Variants in KLK13 observed in about 807,000 individuals in gnomAD.
KLK13 encodes the protein kallikrein-13.
Under a neutral mutation model 22.4 loss-of-function variants are expected in KLK13, and 19 were observed. The ratio of observed to expected loss-of-function variants is 0.85; its 90% CI spans 0.59 to 1.24. The LOEUF is 1.24. Among genes scored for constraint, KLK13 ranks in the 50% most tolerant of loss-of-function variants. The probability of loss-of-function intolerance (pLI) is 0.00; values close to 1 mark genes in which losing one functional copy is unlikely to be tolerated. For missense variants in KLK13, 311 were observed against 347.9 expected, an observed-to-expected ratio of 0.89 and a Z score of 0.84; for synonymous variants, 156 against 141.8, an observed-to-expected ratio of 1.10 and a Z score of -0.71.
chr19:51,057,853 C>A (rs2091689925), intron 4 of KLK13, among the ~76,000 whole-genome samples: 1 of 152,144 alleles, frequency 6.6e-6, no homozygotes, highest in Admixed American at 6.6e-5. Context: ...CCAATCCATG[C>A]AGTTTGTCCC....
upstream of KLK13, chr19:51,065,198 C>T (rs1226422002): frequency 3.2e-6 from 2 of 617,324 alleles, no homozygotes; most frequent in East Asian, 3.2e-5. Flanking sequence ...GCCTCATTCA[C>T]TCTTGACAGC....
In KLK13 at chr19:51,060,000, T is replaced by A; in HGVS notation, c.333A>T (p.Glu111Asp). 6.2e-7 allele frequency: 1 copy of A among 1,613,738 alleles called. No individual in the cohort carries two copies. Among genetic ancestry groups the A allele is most frequent in the Non-Finnish European group, 8.5e-7 (1 of 1,179,786 alleles). ...REVVHSIPHP[E>D]YRRSPTHLNH... Reference sequence around the variant, plus strand: ...TCAGGTGGGTGGGGCTTCTCCGGTATTCAGGGTGGGGGATAGAGTGGACAA... The same window carrying A: ...TCAGGTGGGTGGGGCTTCTCCGGTAATCAGGGTGGGGGATAGAGTGGACAA... The change falls in exon 3 of 5, where the codon GAA (glutamate) becomes GAT (aspartate). Residue 111 changes from glutamate to aspartate, a missense_variant. Transcript: ENST00000595793.
At chr19:51,064,506 AAAAAG>A in intron 1 of KLK13, 1 of 375,762 alleles carries the variant, frequency 2.7e-6, no homozygotes, top group Non-Finnish European at 5.2e-6. Flanking sequence ...AAAAAAAAAA[AAAAAG>A]GAATACTACT....
At chr19:51,065,676 G>C (rs1599791895), upstream of KLK13, among the ~76,000 whole-genome samples, 1 of 152,076 alleles carries the variant, frequency 6.6e-6, no homozygotes, top group South Asian at 2.1e-4. Context: ...GCCGCCAGCT[G>C]TCTAGAACTT....
chr19:51,062,569 G>C (rs1197934745), intron 1 of KLK13, among the ~76,000 whole-genome samples: 1 of 152,174 alleles, frequency 6.6e-6, no homozygotes. Context: ...AATAAATGCT[G>C]TGTGTGCCAG....
chr19:51,059,594 T>G, intron 3 of KLK13: 1 of 242,390 alleles, frequency 4.1e-6, no homozygotes, highest in Non-Finnish European at 7.5e-6. Flanking sequence ...TATATTCATA[T>G]ATTAGATCTA....
rs1396651902 is a variant in KLK13, at chr19:51,065,076, G to T, written c.-9C>A. ...AGGGCCAGGGGCCACATGGCTCCGGGATCGGGAGGGGAGGGCAGGGCGGGC... is the reference window on the plus strand; with the variant it reads ...AGGGCCAGGGGCCACATGGCTCCGGTATCGGGAGGGGAGGGCAGGGCGGGC... On this transcript the variant is annotated 5_prime_UTR_variant, in exon 1 of 5. Transcript: ENST00000595793. 6 of 856,828 alleles carry T rather than the reference G, an allele frequency of 7.0e-6. No homozygotes were observed. Among genetic ancestry groups the T allele is most frequent in the Non-Finnish European group, 1.0e-5 (6 of 586,202 alleles). 53.1% of individuals were successfully genotyped at this position (856,828 alleles called of 1,614,324 possible).
chr19:51,060,411 T>G, intron 2 of KLK13, 22 bp downstream of exon 2: 1 of 1,549,956 alleles, frequency 6.5e-7, no homozygotes, highest in Non-Finnish European at 8.7e-7. Flanking sequence ...CCCTACCCCA[T>G]GCTCCCCCGG....
intron 1 of KLK13, among the ~76,000 whole-genome samples, chr19:51,061,242 C>T (rs1259856082): frequency 6.6e-6 from 1 of 152,134 alleles, no homozygotes; most frequent in African/African-American, 2.4e-5. Context: ...ATCCAACCAT[C>T]CATCCATCCA....
Position 51,064,629 on chromosome 19 carries a change from G to C in KLK13, c.52+387C>G, listed in dbSNP as rs774473376. The C allele has an allele frequency of 9.2e-6, 5 of 543,244 alleles. No individual in the cohort carries two copies. The Admixed American group carries it at 9.8e-5, about 11-fold the overall frequency. The allele number at this position is 543,244 out of a possible 1,614,324, so 33.7% of individuals were successfully genotyped here. ...TCAATATTCACAGTGACCTTCTCTG[G>C]TAAGCACTTATAGATTAAGCCCATT... On this transcript the variant is annotated intron_variant, in intron 1 of 4. Transcript: ENST00000595793.
intron 1 of KLK13, among the ~76,000 whole-genome samples, chr19:51,061,062 C>G (rs2091725687): frequency 6.6e-6 from 1 of 152,096 alleles, no homozygotes; most frequent in African/African-American, 2.4e-5. Context: ...TCCGTCTACT[C>G]ATCCATCTAT....
chr19:51,065,206 AGCCCTGACCCTGGAAT>A, upstream of KLK13: 2 of 575,590 alleles, frequency 3.5e-6, no homozygotes, highest in Non-Finnish European at 5.9e-6. Context: ...CACTCTTGAC[AGCCCTGACCCTGGAAT>A]CTGCCCCCCG....
Position 51,065,079 on chromosome 19 carries a change from C to A in KLK13, c.-12G>T. On this transcript the variant is annotated 5_prime_UTR_variant, in exon 1 of 5. Coordinates refer to ENST00000595793, the MANE Select transcript of KLK13 (RefSeq NM_015596.3). ...GCCAGGGGCCACATGGCTCCGGGAT[C>A]GGGAGGGGAGGGCAGGGCGGGCGGG... 3.0e-6 allele frequency: 1 copy of A among 336,970 alleles called. No homozygotes were observed. The highest frequency in any genetic ancestry group is 5.8e-6 in the Non-Finnish European group (1 of 173,394). 20.9% of individuals were successfully genotyped at this position (336,970 alleles called of 1,614,324 possible). A position where few individuals can be genotyped will look rare whatever the true frequency, so the allele number is the denominator to read the frequency against.
rs760486824 is a variant in KLK13 at position 51,059,808 on chromosome 19, C to A, written c.508+17G>T. 2 of 1,571,056 alleles carry A rather than the reference C, an allele frequency of 1.3e-6. No individual in the cohort carries two copies. The highest frequency in any genetic ancestry group is 1.8e-5 in the Admixed American group (1 of 54,196). ...GCCACTCCTATGGGGCCTCAGGCCA[C>A]CTGTGTGGGTGCATACCCTGGGGGC... On this transcript the variant is annotated intron_variant, in intron 3 of 4. Coordinates refer to ENST00000595793, the MANE Select transcript of KLK13 (RefSeq NM_015596.3).
At chr19:51,060,405 AC>A in intron 2 of KLK13, 27 bp downstream of exon 2, 1 of 1,545,430 alleles carries the variant, frequency 6.5e-7, no homozygotes, top group Admixed American at 1.9e-5. Context: ...TCTCATCCCT[AC>A]CCCATGCTCC....
intron 1 of KLK13, among the ~76,000 whole-genome samples, chr19:51,061,140 T>C (rs2091726598): frequency 6.6e-6 from 1 of 151,660 alleles, no homozygotes; most frequent in Non-Finnish European, 1.5e-5. Flanking sequence ...CATCCAACCA[T>C]CCATCCACTC....
chr19:51,061,641 A>G (rs982302670), intron 1 of KLK13, among the ~76,000 whole-genome samples: 1 of 152,202 alleles, frequency 6.6e-6, no homozygotes, highest in Admixed American at 6.5e-5. Flanking sequence ...TCCATGCCCC[A>G]TCTTCTGTAG....
intron 1 of KLK13, among the ~76,000 whole-genome samples, chr19:51,061,181 T>TCATCCATCCATCCATC (rs57784587): frequency 6.9e-6 from 1 of 143,920 alleles, no homozygotes; most frequent in East Asian, 2.1e-4. Flanking sequence ...GTCCATTTAT[T>TCATCCATCCATCCATC]CATCCATCCA....
At position 51,059,930 on chromosome 19, in the gene KLK13, G is replaced by A. The variant is rs1234684036; in HGVS notation, c.403C>T (p.Gln135Ter). 1 of 1,611,766 alleles carries A rather than the reference G, an allele frequency of 6.2e-7. No homozygotes were observed. Among genetic ancestry groups the A allele is most frequent in the Non-Finnish European group, 8.5e-7 (1 of 1,178,788 alleles). Residue 135 changes from glutamine (Q) to a stop codon, truncating the protein, a stop_gained, in exon 3 of 5, where the codon CAG becomes TAG. Coordinates refer to ENST00000595793, the MANE Select transcript of KLK13 (RefSeq NM_015596.3). LOFTEE classifies it high-confidence loss of function. ...AGGGTTTGGATGTAGCCTGTGAGCT[G>A]GACCGGGGACTGCAGCTCCAGAAGC... ...IMLLELQSPV[Q>*]LTGYIQTLPL...
Sources: gnomAD v4.1 joint callset for allele counts (sites outside exome capture counted in the v4.1 genomes callset) on GRCh38, gnomAD v4.1.1 for gene constraint, MANE v1.5 for transcripts, NCBI Gene and HGNC (gene_info 2026-07-23, HGNC 2026-07-21) for gene names.